The following GPR55 variants were observed in gnomAD, a reference collection of about 807,000 sequenced individuals.
GPR55 encodes G protein-coupled receptor 55.
A neutral mutation model predicts 7.9 loss-of-function variants in GPR55; 6 were observed. The ratio of observed to expected loss-of-function variants is 0.76; its 90% CI spans 0.41 to 1.49. The LOEUF (loss-of-function observed/expected upper bound fraction) is 1.49, where lower values mean the gene tolerates loss of function less well. Ranked by LOEUF, GPR55 falls within the 40% of genes most tolerant of loss-of-function variation. The pLI, the probability that GPR55 is intolerant of heterozygous loss-of-function variation, is 0.01. For missense variants in GPR55, 376 were observed against 406.0 expected, an observed-to-expected ratio of 0.93 and a Z score of 0.63; for synonymous variants, 183 against 166.8, an observed-to-expected ratio of 1.10 and a Z score of -0.75.
chr2:230,931,754 A>T (rs1329597509), intron 1 of GPR55, among the ~76,000 whole-genome samples: 2 of 152,014 alleles, frequency 1.3e-5, no homozygotes, highest in Non-Finnish European at 2.9e-5. Context: ...CCATGAGAGC[A>T]TGCGGGGCCC....
chr2:230,921,905 A>C (rs1039244360), intron 1 of GPR55, among the ~76,000 whole-genome samples: 2 of 152,232 alleles, frequency 1.3e-5, no homozygotes, highest in African/African-American at 4.8e-5. Context: ...TCCATCCTCC[A>C]GTGATCGTGA....
At chr2:230,951,341 T>C (rs867785899) in intron 1 of GPR55, among the ~76,000 whole-genome samples, 5 of 152,190 alleles carry the variant, frequency 3.3e-5, no homozygotes, top group Non-Finnish European at 7.3e-5. Flanking sequence ...GTGTTGATGA[T>C]TGTTGTCGTG....
intron 1 of GPR55, among the ~76,000 whole-genome samples, chr2:230,922,107 G>C (rs1272029374): frequency 6.6e-6 from 1 of 152,158 alleles, no homozygotes; most frequent in Non-Finnish European, 1.5e-5. Context: ...GTGCTGTAGA[G>C]GGAATTCATG....
At chr2:230,956,454 C>T (rs1362582508) in intron 1 of GPR55, among the ~76,000 whole-genome samples, 1 of 152,212 alleles carries the variant, frequency 6.6e-6, no homozygotes, top group Non-Finnish European at 1.5e-5. Context: ...AGGCATGAGC[C>T]ACCACTCCTG....
intron 1 of GPR55, among the ~76,000 whole-genome samples, chr2:230,930,544 G>C (rs953994565): frequency 6.6e-6 from 1 of 151,340 alleles, no homozygotes; most frequent in Non-Finnish European, 1.5e-5. Flanking sequence ...TTCGTTTCCT[G>C]GGCTAAAGCG....
rs188957552 is a variant in GPR55 at position 230,944,852 on chromosome 2, C to T, written c.-135+15923G>A. Among the ~76,000 whole-genome samples the T allele has an allele frequency of 1.2e-3, 186 of 152,344 alleles. 2 individuals are homozygous for T. Among genetic ancestry groups the T allele is most frequent in the Middle Eastern group, 6.8e-3 (2 of 294 alleles). On this transcript the variant is annotated intron_variant, in intron 1 of 1. Transcript: ENST00000392039. The surrounding 1 kb of genome is among the most constrained non-coding windows in gnomAD (Gnocchi z 4.2). ...CCTGCCCTCATGCTGGTTGTTCAGC[C>T]CTCCAAGAATCATTCTTGATGCCCT...
At chr2:230,958,305 G>A (rs974889785) in intron 1 of GPR55, among the ~76,000 whole-genome samples, 2 of 152,156 alleles carry the variant, frequency 1.3e-5, no homozygotes, top group African/African-American at 2.4e-5. Flanking sequence ...TGGGATATAT[G>A]AGATGTTTTG....
intron 1 of GPR55, among the ~76,000 whole-genome samples, chr2:230,960,181 G>A (rs1255901074): frequency 1.3e-5 from 2 of 152,232 alleles, no homozygotes; most frequent in Non-Finnish European, 2.9e-5. Flanking sequence ...AAGACTCCAG[G>A]AAGCTGTCAA....
intron 1 of GPR55, among the ~76,000 whole-genome samples, chr2:230,956,150 ATTTAC>A (rs1691479751): frequency 6.6e-6 from 1 of 150,492 alleles, no homozygotes; most frequent in Non-Finnish European, 1.5e-5. Flanking sequence ...AATTTATTTT[ATTTAC>A]TTTATTTATT....
intron 1 of GPR55, among the ~76,000 whole-genome samples, chr2:230,943,153 C>T (rs894206711): frequency 6.6e-6 from 1 of 151,840 alleles, no homozygotes; most frequent in African/African-American, 2.4e-5. Flanking sequence ...ACAACTGTGC[C>T]CATTGTAGAG....
chr2:230,951,463 T>C (rs1403322718), intron 1 of GPR55, among the ~76,000 whole-genome samples: 3 of 152,204 alleles, frequency 2.0e-5, no homozygotes. Context: ...AATGAGATTT[T>C]TTCATACCAA....
rs755300805 is a variant in GPR55, at chr2:230,910,422, C to G, written c.541G>C (p.Val181Leu). 1.2e-6 allele frequency: 2 copies of G among 1,613,850 alleles called. No homozygotes were observed. Among genetic ancestry groups the G allele is most frequent in the Non-Finnish European group, 1.7e-6 (2 of 1,179,778 alleles). The change falls in exon 2 of 2, where the codon GTC (valine) becomes CTC (leucine). Residue 181 changes from valine (V) to leucine (L), a missense_variant. By Grantham distance (32) the Val-to-Leu change is conservative. Coordinates refer to ENST00000650999, the MANE Select transcript of GPR55 (RefSeq NM_005683.4). This position sits in a 1 kb window ranked among gnomAD's most constrained non-coding sequence, Gnocchi z 5.4. ...CCAAACACCTCCAGCGGGAAGAAGA[C>G]CTTGGCGCTCCAGGTATCATCAGAC... is the stretch of plus-strand genomic sequence containing the variant. ...NMSDDTWSAK[V>L]FFPLEVFGFL...
Position 230,910,173 on chromosome 2 carries a change from G to T in GPR55, c.790C>A (p.Gln264Lys). The T allele has an allele frequency of 6.2e-7, 1 of 1,614,008 alleles. No individual in the cohort carries two copies. Among genetic ancestry groups the T allele is most frequent in the Non-Finnish European group, 8.5e-7 (1 of 1,179,856 alleles). ...NSFIVECRAK[Q>K]SISFFLQLSM... ...AATTGCAAGAAGAAGCTGATGCTCTGCTTGGCTCTGCACTCTACGATAAAG... is the reference window on the plus strand; with the variant it reads ...AATTGCAAGAAGAAGCTGATGCTCTTCTTGGCTCTGCACTCTACGATAAAG... Residue 264 changes from glutamine (Q) to lysine (K), a missense_variant, in exon 2 of 2, where the codon CAG becomes AAG. Physicochemically the swap from Gln to Lys is moderately conservative, Grantham distance 53. Coordinates refer to ENST00000650999, the MANE Select transcript of GPR55 (RefSeq NM_005683.4). This position sits in a 1 kb window ranked among gnomAD's most constrained non-coding sequence, Gnocchi z 5.4.
At chr2:230,953,952 G>T (rs1033763235) in intron 1 of GPR55, among the ~76,000 whole-genome samples, 1 of 152,220 alleles carries the variant, frequency 6.6e-6, no homozygotes, top group Non-Finnish European at 1.5e-5. Context: ...TCCCCAAGGC[G>T]AGTCCTCAGC....
At chr2:230,927,162 G>A (rs1224219425), upstream of GPR55, among the ~76,000 whole-genome samples, 1 of 152,072 alleles carries the variant, frequency 6.6e-6, no homozygotes, top group African/African-American at 2.4e-5. Context: ...ACCCCCCAGG[G>A]CACCACTGTT....
intron 1 of GPR55, among the ~76,000 whole-genome samples, chr2:230,958,472 A>G (rs1338597757): frequency 1.4e-5 from 2 of 144,740 alleles, no homozygotes; most frequent in East Asian, 2.3e-4. Flanking sequence ...TGTGCTATCA[A>G]AAGTAGGTCT....
Position 230,923,519 on chromosome 2 carries a change from T to A in GPR55, c.-135+1649A>T, listed in dbSNP as rs562866682. Among the ~76,000 whole-genome samples, 2 of 151,474 alleles carry A rather than the reference T, an allele frequency of 1.3e-5. No individual in the cohort carries two copies. The highest frequency in any genetic ancestry group is 2.9e-5 in the Non-Finnish European group (2 of 67,990). ...TGAGCTGGGCTTCTGGGGGCCACGATAGAAGAAGGAACAGGACACAGAGGG... is the reference window on the plus strand; with the variant it reads ...TGAGCTGGGCTTCTGGGGGCCACGAAAGAAGAAGGAACAGGACACAGAGGG... On this transcript the variant is annotated intron_variant, in intron 1 of 1. Coordinates refer to ENST00000650999, the MANE Select transcript of GPR55 (RefSeq NM_005683.4). This position sits in a 1 kb window ranked among gnomAD's most constrained non-coding sequence, Gnocchi z 4.1.
intron 1 of GPR55, among the ~76,000 whole-genome samples, chr2:230,915,915 C>T (rs142142797): frequency 6.6e-6 from 1 of 152,150 alleles, no homozygotes; most frequent in East Asian, 1.9e-4. Flanking sequence ...CGCCCCAAAA[C>T]TTTAGACCTC....
upstream of GPR55, among the ~76,000 whole-genome samples, chr2:230,926,783 G>A (rs113230548): frequency 0.083 from 12,365 of 148,280 alleles, 610 homozygotes; most frequent in South Asian, 0.17. Context: ...TCCACTTCCC[G>A]GGTTCAAGTG....
Sources: allele counts gnomAD v4.1 joint callset (sites outside exome capture counted in the v4.1 genomes callset), GRCh38; gene constraint gnomAD v4.1.1; non-coding constraint Gnocchi (gnomAD v3.1); transcripts MANE v1.5; gene names NCBI Gene and HGNC (gene_info 2026-07-23, HGNC 2026-07-21).